Variants in RAB2A observed in about 807,000 individuals in gnomAD.
The protein encoded by RAB2A is RAB2A, member RAS oncogene family, also known as ras-related protein Rab-2A.
In RAB2A, 7 loss-of-function variants were observed where a neutral mutation model predicts 32.5. That is an observed-to-expected ratio of 0.22 (90% confidence interval 0.12 to 0.40). The LOEUF is 0.40. RAB2A is among the 10% of genes least tolerant of loss of function. The pLI, the probability that RAB2A is intolerant of heterozygous loss-of-function variation, is 1.00. For missense variants in RAB2A, 108 were observed against 260.7 expected (o/e 0.41, Z 4.03); for synonymous variants, 79 against 85.2 (o/e 0.93, Z 0.40).
At chr8:60,577,124 C>T (rs1254920474) in intron 3 of RAB2A, among the ~76,000 whole-genome samples, 2 of 151,902 alleles carry the variant, frequency 1.3e-5, no homozygotes, top group African/African-American at 4.8e-5. Flanking sequence ...CAGCTCACCA[C>T]AGCCTCCACC....
At chr8:60,551,910 C>G (rs1288037521) in intron 1 of RAB2A, 4 of 136,420 alleles carry the variant, frequency 2.9e-5, no homozygotes, top group Non-Finnish European at 6.1e-5. Context: ...GTCGCCCAGA[C>G]TGGAGTTCAG....
chr8:60,559,009 G>A (rs1807980259), intron 2 of RAB2A, 86 bp downstream of exon 2: 1 of 935,522 alleles, frequency 1.1e-6, no homozygotes, highest in African/African-American at 1.6e-5. Flanking sequence ...TACTAGTGAT[G>A]ATGCTAAAAT....
At chr8:60,618,731 C>A in intron 7 of RAB2A, 83 bp downstream of exon 7, 2 of 475,960 alleles carry the variant, frequency 4.2e-6, no homozygotes, top group Non-Finnish European at 5.9e-6. Flanking sequence ...TTTTATAATT[C>A]ATTATTTTAT....
intron 1 of RAB2A, among the ~76,000 whole-genome samples, chr8:60,538,753 G>A (rs1237137057): frequency 2.0e-5 from 3 of 152,186 alleles, no homozygotes; most frequent in East Asian, 3.8e-4. Context: ...GGGGTGCTGA[G>A]TGCTGATGAA....
At chr8:60,517,801 A>G (rs1048450964) in intron 1 of RAB2A, among the ~76,000 whole-genome samples, 2 of 152,014 alleles carry the variant, frequency 1.3e-5, no homozygotes, top group Non-Finnish European at 2.9e-5. Context: ...TATTTTATAT[A>G]TATACATATA....
intron 5 of RAB2A, chr8:60,591,571 T>A: frequency 4.8e-6 from 1 of 207,500 alleles, no homozygotes; most frequent in Non-Finnish European, 9.8e-6. Flanking sequence ...TGCACTGTAC[T>A]CAAAGATATA....
chr8:60,543,097 A>C (rs529372976), intron 1 of RAB2A, among the ~76,000 whole-genome samples: 4 of 152,368 alleles, frequency 2.6e-5, no homozygotes, highest in Non-Finnish European at 5.9e-5. Flanking sequence ...GACAGAATCA[A>C]CAAGACTGGG....
At chr8:60,582,141 G>T (rs1191500468) in intron 3 of RAB2A, among the ~76,000 whole-genome samples, 1 of 151,620 alleles carries the variant, frequency 6.6e-6, no homozygotes, top group Admixed American at 6.6e-5. Context: ...TAGAGATGGG[G>T]TCTCGCCATG....
At position 60,583,396 on chromosome 8, in the gene RAB2A, C is replaced by CT. The variant is rs1803794898; in HGVS notation, c.187-810dup. On this transcript the variant is annotated intron_variant, in intron 3 of 7. Transcript: ENST00000262646. ...ACAGTCACATTCCTCCCCAGCAATT[C>CT]TTAAAAAAACAGAAATTAGTACCAT... Among the ~76,000 whole-genome samples, 3 of 147,938 alleles carry CT rather than the reference C, an allele frequency of 2.0e-5. No individual in the cohort carries two copies. The South Asian group carries it at 6.3e-4, about 31-fold the overall frequency.
At chr8:60,538,484 T>C (rs1167478019) in intron 1 of RAB2A, among the ~76,000 whole-genome samples, 1 of 152,168 alleles carries the variant, frequency 6.6e-6, no homozygotes, top group East Asian at 1.9e-4. Context: ...GAAAGAACTC[T>C]GAAGACTGTG....
intron 1 of RAB2A, among the ~76,000 whole-genome samples, chr8:60,541,021 G>T (rs563847325): frequency 4.6e-5 from 7 of 152,292 alleles, no homozygotes; most frequent in Admixed American, 1.3e-4. Context: ...CATTGGAGAA[G>T]CCTGACAGAC....
intron 6 of RAB2A, among the ~76,000 whole-genome samples, chr8:60,611,358 G>A (rs1178190824): frequency 2.0e-5 from 3 of 152,116 alleles, no homozygotes; most frequent in African/African-American, 7.2e-5. Context: ...CTGCTCCTCT[G>A]TCCAGAATGC....
intron 2 of RAB2A, among the ~76,000 whole-genome samples, chr8:60,563,808 C>T (rs1285007572): frequency 6.6e-6 from 1 of 152,194 alleles, no homozygotes; most frequent in African/African-American, 2.4e-5. Context: ...TCACTCTCAT[C>T]TCTCTTGTGT....
At chr8:60,519,432 A>G (rs13269925) in intron 1 of RAB2A, among the ~76,000 whole-genome samples, 34,837 of 152,148 alleles carry the variant, frequency 0.23, 4,094 homozygotes, top group Middle Eastern at 0.38. Flanking sequence ...TTCCGGCACA[A>G]TCTCTCCCTG....
At chr8:60,560,755 T>G (rs554416313) in intron 2 of RAB2A, among the ~76,000 whole-genome samples, 53 of 151,890 alleles carry the variant, frequency 3.5e-4, no homozygotes, top group Admixed American at 4.6e-4. Flanking sequence ...TTTGTTTTTT[T>G]TTTTTAGCTC....
In RAB2A at chr8:60,592,446, T is replaced by A. The variant is rs192527460; in HGVS notation, c.474+477T>A. The stretch of plus-strand genomic sequence containing the variant: ...GGAGGGAAACAAGGAACCACACTAA[T>A]GAAATTTGGAAATGTTTCAAGACAG... On this transcript the variant is annotated intron_variant, in intron 6 of 7. Transcript: ENST00000262646. Among the ~76,000 whole-genome samples, 1,136 of 152,294 alleles carry A rather than the reference T, an allele frequency of 7.5e-3. 11 individuals carry two copies. Among genetic ancestry groups the A allele is most frequent in the Non-Finnish European group, 0.013 (855 of 68,014 alleles).
At chr8:60,524,770 G>A (rs567756702) in intron 1 of RAB2A, among the ~76,000 whole-genome samples, 2 of 152,322 alleles carry the variant, frequency 1.3e-5, no homozygotes, top group South Asian at 2.1e-4. Flanking sequence ...ATTGATGGTA[G>A]TACTGTAACA....
intron 3 of RAB2A, among the ~76,000 whole-genome samples, chr8:60,572,548 T>C (rs2130840735): frequency 6.6e-6 from 1 of 152,324 alleles, no homozygotes; most frequent in African/African-American, 2.4e-5. Context: ...GTCATACCCT[T>C]GTTCATTGAG....
intron 5 of RAB2A, among the ~76,000 whole-genome samples, chr8:60,586,999 T>C (rs1803862414): frequency 6.6e-6 from 1 of 152,008 alleles, no homozygotes; most frequent in Non-Finnish European, 1.5e-5. Context: ...GCAGACTTTT[T>C]TGGGAGGGTA....
Sources: gnomAD v4.1 joint callset for allele counts (sites outside exome capture counted in the v4.1 genomes callset) on GRCh38, gnomAD v4.1.1 for gene constraint, MANE v1.5 for transcripts, NCBI Gene and HGNC (gene_info 2026-07-23, HGNC 2026-07-21) for gene names.